Variants in PGAP2 observed in about 807,000 individuals in gnomAD.
PGAP2 encodes the protein post-GPI attachment to proteins 2, also known as acyltransferase PGAP2.
PGAP2 carries 21 observed loss-of-function variants against 33.2 expected under a neutral mutation model. The ratio of observed to expected loss-of-function variants is 0.63; its 90% confidence interval spans 0.45 to 0.91. The LOEUF (loss-of-function observed/expected upper bound fraction) is 0.91, where lower values mean the gene tolerates loss of function less well. Among genes scored for constraint, PGAP2 ranks in the 40% least tolerant of loss-of-function variants. The pLI is 0.00. For missense variants in PGAP2, 345 were observed against 424.0 expected (o/e 0.81, Z 1.64); for synonymous variants, 161 against 172.9 (o/e 0.93, Z 0.54).
Position 3,825,495 on chromosome 11 carries a change from C to T in PGAP2, c.*37C>T. 6.3e-7 allele frequency: 1 copy of T among 1,599,570 alleles called. No individual in the cohort carries two copies. Among genetic ancestry groups the T allele is most frequent in the Non-Finnish European group, 8.5e-7 (1 of 1,173,370 alleles). On this transcript the variant is annotated 3_prime_UTR_variant, in exon 7 of 7. Coordinates refer to ENST00000278243, the MANE Select transcript of PGAP2 (RefSeq NM_014489.4). ...CTGCTTGGGAGGACGCAGCCCACTG[C>T]CCAGAAACAAGAAACACGATACCAT...
Position 3,808,596 on chromosome 11 carries a change from A to C in PGAP2, c.-66A>C. 6 of 1,322,520 alleles carry C rather than the reference A, an allele frequency of 4.5e-6. No homozygotes were observed. The highest frequency in any genetic ancestry group is 3.1e-5 in the East Asian group (1 of 31,816). The allele number at this position is 1,322,520 out of a possible 1,614,324, so 81.9% of individuals were successfully genotyped here. On this transcript the variant is annotated 5_prime_UTR_variant, in exon 1 of 7. Transcript: ENST00000278243. Reference sequence around the variant, plus strand: ...GACCAGCCCGCAGAGCCAGCCCCCGACCCCGGGCCACCTGGGCCCCCGGGT... The same window carrying C: ...GACCAGCCCGCAGAGCCAGCCCCCGCCCCCGGGCCACCTGGGCCCCCGGGT...
chr11:3,811,323 G>C lies in PGAP2; in HGVS notation c.64G>C (p.Val22Leu). 1 of 1,614,064 alleles carries C rather than the reference G, an allele frequency of 6.2e-7. No individual in the cohort carries two copies. The highest frequency in any genetic ancestry group is 1.3e-5 in the African/African-American group (1 of 75,018). The stretch of plus-strand genomic sequence containing the variant: ...CCTGGTACGGCTCCGCTTCACCATG[G>C]TGGCCCTGGTCACGGTCTGCTGTCC... ...GTLVRLRFTM[V>L]ALVTVCCPLV... Residue 22 changes from valine to leucine, a missense_variant, in exon 2 of 7, where the codon GTG becomes CTG. Physicochemically the swap from Val to Leu is conservative, Grantham distance 32 (BLOSUM62 1). Around this residue, in one of 2 missense-constraint regions of PGAP2, gnomAD observed 34 missense variants for 70.3 expected, o/e 0.48. Transcript: ENST00000278243. This position sits in a 1 kb window ranked among gnomAD's most constrained non-coding sequence, Gnocchi z 4.6.
At chr11:3,803,718 G>T (rs1314590513), upstream of PGAP2, among the ~76,000 whole-genome samples, 1 of 150,748 alleles carries the variant, frequency 6.6e-6, no homozygotes. Context: ...CTGAGCCACC[G>T]TGCCCAGCCA....
intron 2 of PGAP2, among the ~76,000 whole-genome samples, chr11:3,814,812 CTCTTTCTT>C (rs145802693): frequency 1.0e-5 from 1 of 97,418 alleles, no homozygotes; most frequent in Non-Finnish European, 2.1e-5. Context: ...TTCTTTCTTT[CTCTTTCTT>C]TCTTTTTTTC....
At chr11:3,819,372 C>T (rs1278565172) in intron 3 of PGAP2, among the ~76,000 whole-genome samples, 2 of 152,186 alleles carry the variant, frequency 1.3e-5, no homozygotes, top group Admixed American at 6.6e-5. Context: ...AGCTCATGCT[C>T]CTGGGGGAAC....
At chr11:3,810,238 T>C (rs1423175877) in intron 1 of PGAP2, among the ~76,000 whole-genome samples, 2 of 152,188 alleles carry the variant, frequency 1.3e-5, no homozygotes, top group Non-Finnish European at 2.9e-5. Context: ...CAGGTGCCTC[T>C]TCTGCCTCTC....
At chr11:3,801,118 G>C (rs1226187795) in intron 1 of PGAP2, among the ~76,000 whole-genome samples, 1 of 147,542 alleles carries the variant, frequency 6.8e-6, no homozygotes, top group Non-Finnish European at 1.5e-5. Flanking sequence ...TGGGCAACAA[G>C]AGTGAAAGTC....
intron 3 of PGAP2, chr11:3,817,944 G>A: frequency 2.3e-6 from 1 of 433,622 alleles, no homozygotes; most frequent in Non-Finnish European, 4.6e-6. Flanking sequence ...TACTTGGGAG[G>A]CTAAGGCAGG....
chr11:3,803,426 C>G (rs1215375243), intron 1 of PGAP2, among the ~76,000 whole-genome samples: 1 of 151,298 alleles, frequency 6.6e-6, no homozygotes, highest in East Asian at 2.0e-4. Context: ...CGCACCCGGC[C>G]ATTTTTGTTT....
In PGAP2 at chr11:3,808,579, C is replaced by T. The variant is rs747014997; in HGVS notation, c.-83C>T. ...CCCGCCGTTCGCGCTCTGACCAGCC[C>T]GCAGAGCCAGCCCCCGACCCCGGGC... On this transcript the variant is annotated 5_prime_UTR_variant, in exon 1 of 7. Transcript: ENST00000278243. 1,054 of 1,364,676 alleles carry T rather than the reference C, an allele frequency of 7.7e-4. 1 individual carries two copies. The highest frequency in any genetic ancestry group is 9.2e-4 in the Non-Finnish European group (978 of 1,059,464). 84.5% of individuals were successfully genotyped at this position (1,364,676 alleles called of 1,614,324 possible).
At chr11:3,819,455 C>T (rs1388985302) in intron 3 of PGAP2, among the ~76,000 whole-genome samples, 1 of 151,828 alleles carries the variant, frequency 6.6e-6, no homozygotes, top group Non-Finnish European at 1.5e-5. Flanking sequence ...GTGGGATTGA[C>T]AGCAAATGGA....
chr11:3,803,853 C>T (rs547507539), upstream of PGAP2, among the ~76,000 whole-genome samples: 5 of 151,102 alleles, frequency 3.3e-5, no homozygotes, highest in African/African-American at 4.9e-5. Context: ...TGCAGTGGTG[C>T]GATCATGACT....
At position 3,800,792 on chromosome 11, in the gene PGAP2, A is replaced by G. The variant is rs567177653; in HGVS notation, c.139+2810A>G. On this transcript the variant is annotated intron_variant, in intron 1 of 6. Transcript: ENST00000300730. ...GAGCCACTGCACTCGATCCTGGGCC[A>G]CAGAGTGAGACTCCGTCTCAAAAAA... 2.9e-3 allele frequency among the ~76,000 whole-genome samples: 414 copies of G among 144,476 alleles called. 2 individuals are homozygous for G. Among genetic ancestry groups the G allele is most frequent in the Non-Finnish European group, 4.8e-3 (319 of 66,662 alleles). The allele number at this position is 144,476 out of a possible 152,430, so 94.8% of individuals were successfully genotyped here.
At chr11:3,824,791 T>A in intron 5 of PGAP2, 1 of 1,432,344 alleles carries the variant, frequency 7.0e-7, no homozygotes, top group Non-Finnish European at 9.1e-7. Context: ...TCCATCCCCC[T>A]GAAGTGGAAG....
At chr11:3,806,162 C>A (rs1468372506), upstream of PGAP2, among the ~76,000 whole-genome samples, 2 of 151,930 alleles carry the variant, frequency 1.3e-5, no homozygotes, top group African/African-American at 4.8e-5. Flanking sequence ...GAGAGGGGAC[C>A]CAGCCTCAGG....
At chr11:3,799,685 G>A (rs1272588104) in intron 1 of PGAP2, among the ~76,000 whole-genome samples, 1 of 151,920 alleles carries the variant, frequency 6.6e-6, no homozygotes, top group Non-Finnish European at 1.5e-5. Context: ...TTAAAAAATG[G>A]GAGACTGGGA....
chr11:3,811,536 A>C lies in PGAP2; in HGVS notation c.165+112A>C. The C allele has an allele frequency of 2.0e-6, 2 of 1,002,488 alleles. No homozygotes were observed. The highest frequency in any genetic ancestry group is 2.9e-6 in the Non-Finnish European group (2 of 697,528). 62.1% of individuals were successfully genotyped at this position (1,002,488 alleles called of 1,614,324 possible). A position where few individuals can be genotyped will look rare whatever the true frequency, so the allele number is the denominator to read the frequency against. ...CTCTCCACTGGGGCCCATCAAACATACGGGGCTGCTGGGGGGATGCCTGCA... is the reference window on the plus strand; with the variant it reads ...CTCTCCACTGGGGCCCATCAAACATCCGGGGCTGCTGGGGGGATGCCTGCA... On this transcript the variant is annotated intron_variant, in intron 2 of 6. Coordinates refer to ENST00000278243, the MANE Select transcript of PGAP2 (RefSeq NM_014489.4). The surrounding 1 kb of genome is among the most constrained non-coding windows in gnomAD (Gnocchi z 4.6).
At chr11:3,802,976 G>A (rs1408478139) in intron 1 of PGAP2, among the ~76,000 whole-genome samples, 10 of 146,586 alleles carry the variant, frequency 6.8e-5, no homozygotes, top group South Asian at 2.1e-4. Flanking sequence ...ACAGGCGCCT[G>A]CCACCACACC....
intron 1 of PGAP2, among the ~76,000 whole-genome samples, chr11:3,799,925 G>C: frequency 6.6e-6 from 1 of 152,114 alleles, no homozygotes; most frequent in Non-Finnish European, 1.5e-5. Context: ...TGTGATTACA[G>C]TCATGCCACT....
Sources: gnomAD v4.1 joint callset for allele counts (sites outside exome capture counted in the v4.1 genomes callset) on GRCh38, gnomAD v4.1.1 for gene constraint, gnomAD v4.1.1 regional missense constraint, Gnocchi (gnomAD v3.1) non-coding constraint, MANE v1.5 for transcripts, NCBI Gene and HGNC (gene_info 2026-07-23, HGNC 2026-07-21) for gene names.